The following RPGRIP1L variants were observed in gnomAD, a reference collection of about 807,000 sequenced individuals.
The protein encoded by RPGRIP1L is protein fantom.
In RPGRIP1L, 131 loss-of-function variants were observed where a neutral mutation model predicts 160.4. The observed-to-expected ratio is 0.82, with a 90% CI of 0.71 to 0.94. The LOEUF is 0.94. RPGRIP1L is among the 40% of genes least tolerant of loss of function. The probability of loss-of-function intolerance (pLI) is 0.00; values close to 1 mark genes in which losing one functional copy is unlikely to be tolerated. For synonymous variants in RPGRIP1L, 510 were observed against 515.8 expected, an observed-to-expected ratio of 0.99 and a Z score of 0.15; for missense variants, 1,522 against 1,535.8, an observed-to-expected ratio of 0.99 and a Z score of 0.15.
At chr16:53,698,983 G>A (rs1014226782) in intron 2 of RPGRIP1L, among the ~76,000 whole-genome samples, 4 of 152,128 alleles carry the variant, frequency 2.6e-5, no homozygotes, top group African/African-American at 9.7e-5. Context: ...GAAATCGGAT[G>A]GTTGCCGTGT....
At chr16:53,672,521 T>C (rs1968820222) in intron 8 of RPGRIP1L, among the ~76,000 whole-genome samples, 1 of 152,208 alleles carries the variant, frequency 6.6e-6, no homozygotes. Flanking sequence ...CAGAAACAGA[T>C]ACAGTCCTGT....
rs866067386 is a variant in RPGRIP1L at position 53,692,084 on chromosome 16, G to A, written c.511C>T (p.Gln171Ter). 6.2e-7 allele frequency: 1 copy of A among 1,613,866 alleles called. No homozygotes were observed. The highest frequency in any genetic ancestry group is 8.5e-7 in the Non-Finnish European group (1 of 1,179,960). ...GTTTTACCTTTCCTGGGGCATTCCT[G>A]TAAACCAGCATTTTCATTTGCTTTT... ...RRKANENAGL[Q>*]ECPRKGIKFQ... is the part of the protein sequence containing the mutation. Residue 171 changes from glutamine to a stop codon, truncating the protein, a stop_gained, in exon 4 of 27, where the codon CAG (glutamine) becomes TAG (stop). Coordinates refer to ENST00000647211, the MANE Select transcript of RPGRIP1L (RefSeq NM_015272.5). LOFTEE classifies it high-confidence loss of function.
intron 20 of RPGRIP1L, 109 bp downstream of exon 20, chr16:53,638,201 T>TA: frequency 1.4e-6 from 1 of 740,438 alleles, no homozygotes; most frequent in Non-Finnish European, 2.4e-6. Flanking sequence ...AAGTCATATA[T>TA]AAAAATAGGG....
chr16:53,621,756 C>T (rs1964727840), intron 23 of RPGRIP1L, among the ~76,000 whole-genome samples: 1 of 152,152 alleles, frequency 6.6e-6, no homozygotes, highest in African/African-American at 2.4e-5. Context: ...GGCGCAGTGG[C>T]TCACGCCTGT....
At chr16:53,640,817 TAG>T (rs1356459421) in intron 19 of RPGRIP1L, among the ~76,000 whole-genome samples, 3 of 151,050 alleles carry the variant, frequency 2.0e-5, no homozygotes, top group Non-Finnish European at 4.4e-5. Flanking sequence ...GGGCAGAAGC[TAG>T]AGAGAGGTAA....
intron 3 of RPGRIP1L, chr16:53,695,427 T>C (rs1458620403): frequency 1.4e-6 from 1 of 702,872 alleles, no homozygotes; most frequent in Non-Finnish European, 2.6e-6. Context: ...CTATTTTCAT[T>C]CTTCAATGGT....
intron 25 of RPGRIP1L, among the ~76,000 whole-genome samples, chr16:53,606,043 T>G (rs768837406): frequency 2.0e-5 from 3 of 152,004 alleles, no homozygotes; most frequent in Non-Finnish European, 4.4e-5. Context: ...AACTCTGGAG[T>G]TGCTACTAAG....
intron 4 of RPGRIP1L, among the ~76,000 whole-genome samples, chr16:53,690,770 G>C (rs762781204): frequency 6.6e-6 from 1 of 152,134 alleles, no homozygotes; most frequent in Non-Finnish European, 1.5e-5. Context: ...ACCATCTCCT[G>C]ATCTCTTATC....
chr16:53,636,542 C>T (rs766126236), intron 21 of RPGRIP1L, 30 bp from the exon 22 acceptor site: 1 of 1,516,148 alleles, frequency 6.6e-7, no homozygotes, highest in Non-Finnish European at 9.2e-7. Context: ...GTAACATTTA[C>T]ACAAGTTAAA....
Position 53,675,008 on chromosome 16 carries a change from T to C in RPGRIP1L, c.882+9A>G, listed in dbSNP as rs992121593. 6.5e-7 allele frequency: 1 copy of C among 1,541,992 alleles called. No individual in the cohort carries two copies. Among genetic ancestry groups the C allele is most frequent in the Non-Finnish European group, 8.9e-7 (1 of 1,117,722 alleles). On this transcript the variant is annotated intron_variant, in intron 7 of 26. Coordinates refer to ENST00000647211, the MANE Select transcript of RPGRIP1L (RefSeq NM_015272.5). ...TGTAACATTGTAATAAAATAAATTA[T>C]CACTGTACCTCTTGAAGCTGAATAA...
chr16:53,671,612 G>A, intron 8 of RPGRIP1L, 29 bp from the exon 9 acceptor site: 1 of 1,199,344 alleles, frequency 8.3e-7, no homozygotes. Flanking sequence ...TACATATTAA[G>A]TAAATATTAT....
chr16:53,602,699 G>A (rs767495920), intron 26 of RPGRIP1L, among the ~76,000 whole-genome samples: 13 of 152,002 alleles, frequency 8.6e-5, no homozygotes, highest in African/African-American at 9.7e-5. Context: ...GCCTGAACTC[G>A]GGAGGTGGAG....
At chr16:53,639,850 A>G (rs1966090361) in intron 19 of RPGRIP1L, among the ~76,000 whole-genome samples, 1 of 152,212 alleles carries the variant, frequency 6.6e-6, no homozygotes, top group Non-Finnish European at 1.5e-5. Context: ...ATTATTTATC[A>G]CATACATATT....
At chr16:53,674,901 C>G in intron 7 of RPGRIP1L, 116 bp downstream of exon 7, 1 of 682,948 alleles carries the variant, frequency 1.5e-6, no homozygotes, top group Non-Finnish European at 2.6e-6. Context: ...AAAGAACAAT[C>G]CTTCAAAATT....
At position 53,649,015 on chromosome 16, in the gene RPGRIP1L, C is replaced by A; in HGVS notation, c.2253G>T (p.Lys751Asn). The A allele has an allele frequency of 6.2e-7, 1 of 1,614,048 alleles. No homozygotes were observed. The highest frequency in any genetic ancestry group is 8.5e-7 in the Non-Finnish European group (1 of 1,179,954). The change falls in exon 16 of 27, where the codon AAG becomes AAT. Residue 751 changes from lysine to asparagine, a missense_variant. Coordinates refer to ENST00000647211, the MANE Select transcript of RPGRIP1L (RefSeq NM_015272.5). ...QAIRLYRERA[K>N]ALGYITSNFK... ...AATTTGATGTTATATACCCCAAAGC[C>A]TTTGCCCTTTCTCGATAAAGTCGAA...
intron 2 of RPGRIP1L, among the ~76,000 whole-genome samples, chr16:53,698,881 G>A (rs1216541067): frequency 1.3e-5 from 2 of 152,180 alleles, no homozygotes; most frequent in Non-Finnish European, 2.9e-5. Flanking sequence ...ACCCCGTCTG[G>A]GAGGTGTGCC....
Position 53,656,519 on chromosome 16 carries a change from T to A in RPGRIP1L, c.1652A>T (p.Tyr551Phe), listed in dbSNP as rs1307023675. 1 of 1,614,042 alleles carries A rather than the reference T, an allele frequency of 6.2e-7. No homozygotes were observed. Among genetic ancestry groups the A allele is most frequent in the Non-Finnish European group, 8.5e-7 (1 of 1,179,912 alleles). The change falls in exon 14 of 27, where the codon TAT becomes TTT. Residue 551 changes from tyrosine (Y) to phenylalanine (F), a missense_variant. Tyr to Phe is a conservative substitution (Grantham distance 22, BLOSUM62 3). Coordinates refer to ENST00000647211, the MANE Select transcript of RPGRIP1L (RefSeq NM_015272.5). Reference protein sequence around the residue: ...QQDYELKVEQYVHLLDIRAAR... With the variant: ...QQDYELKVEQFVHLLDIRAAR... ...AGCCCTGATATCAAGAAGATGAACA[T>A]ACTGTTCCACTTTGAGTTCATAATC...
At chr16:53,629,692 T>C (rs1047755872) in intron 22 of RPGRIP1L, among the ~76,000 whole-genome samples, 1 of 152,242 alleles carries the variant, frequency 6.6e-6, no homozygotes, top group Admixed American at 6.5e-5. Context: ...ATGTCAAATA[T>C]GAAAGTTCCT....
intron 15 of RPGRIP1L, among the ~76,000 whole-genome samples, chr16:53,651,484 G>A (rs1966852793): frequency 6.6e-6 from 1 of 152,126 alleles, no homozygotes; most frequent in Non-Finnish European, 1.5e-5. Context: ...ACAAGGCTCT[G>A]CAATATGATC....
Sources: allele counts gnomAD v4.1 joint callset (sites outside exome capture counted in the v4.1 genomes callset), GRCh38; gene constraint gnomAD v4.1.1; transcripts MANE v1.5; gene names NCBI Gene and HGNC (gene_info 2026-07-23, HGNC 2026-07-21).